Variants in KLF12 observed in about 807,000 individuals in gnomAD.
The protein encoded by KLF12 is Krueppel-like factor 12.
A neutral mutation model predicts 37.8 loss-of-function variants in KLF12; 9 were observed. That is an observed-to-expected ratio of 0.24 (90% CI 0.14 to 0.42). KLF12 has a LOEUF of 0.42. Ranked by LOEUF, KLF12 falls within the 10% of genes least tolerant of loss-of-function variation. The pLI is 1.00. For missense variants in KLF12, 411 were observed against 516.0 expected (o/e 0.80, Z 1.97); for synonymous variants, 208 against 202.1 (o/e 1.03, Z -0.25).
In KLF12 at chr13:73,689,669, G is replaced by A. The variant is rs989696116; in HGVS notation, c.*5821C>T. The A allele has an allele frequency of 5.9e-5, 9 of 152,084 alleles. No individual in the cohort carries two copies. Among genetic ancestry groups the A allele is most frequent in the Admixed American group, 5.2e-4 (8 of 15,260 alleles). The allele number at this position is 152,084 out of a possible 1,614,324, so 9.4% of individuals were successfully genotyped here. ...AGTGGTACTTCAACAGACTTTTTGGGGAGAAATGATTCTGTCAATATTCAT... is the reference window on the plus strand; with the variant it reads ...AGTGGTACTTCAACAGACTTTTTGGAGAGAAATGATTCTGTCAATATTCAT... On this transcript the variant is annotated 3_prime_UTR_variant, in exon 8 of 8. Coordinates refer to ENST00000377669, the MANE Select transcript of KLF12 (RefSeq NM_007249.5).
intron 1 of KLF12, among the ~76,000 whole-genome samples, chr13:74,006,692 G>A (rs1458161013): frequency 6.6e-6 from 1 of 152,134 alleles, no homozygotes; most frequent in Non-Finnish European, 1.5e-5. Context: ...TCAGTCAGAA[G>A]TCATCAGCAA....
intron 2 of KLF12, among the ~76,000 whole-genome samples, chr13:73,946,946 A>G (rs1437552531): frequency 6.6e-6 from 1 of 152,226 alleles, no homozygotes; most frequent in African/African-American, 2.4e-5. Context: ...TTGAAGCAAA[A>G]TATTGATAGA....
chr13:74,169,072 C>T, the KLF12 span, among the ~76,000 whole-genome samples: 1 of 151,984 alleles, frequency 6.6e-6, no homozygotes, highest in African/African-American at 2.4e-5. Flanking sequence ...AGTTTATTCT[C>T]AGGAAATGGG....
the KLF12 span, among the ~76,000 whole-genome samples, chr13:74,168,840 C>T: frequency 6.6e-6 from 1 of 152,150 alleles, no homozygotes; most frequent in African/African-American, 2.4e-5. Flanking sequence ...TAATCGGATG[C>T]CTTTGGGAAG....
chr13:74,258,913 A>C, the KLF12 span: 1 of 152,230 alleles, frequency 6.6e-6, no homozygotes, highest in African/African-American at 2.4e-5. Flanking sequence ...GAAGAAAGCT[A>C]ATAGAAGGTC....
chr13:73,854,031 T>C (rs959927514), intron 3 of KLF12, among the ~76,000 whole-genome samples: 52 of 152,188 alleles, frequency 3.4e-4, no homozygotes, highest in African/African-American at 1.2e-3. Flanking sequence ...GCAATTGTTT[T>C]TAAACAACAT....
intron 1 of KLF12, among the ~76,000 whole-genome samples, chr13:74,087,269 C>T (rs1449950640): frequency 1.3e-5 from 2 of 152,110 alleles, no homozygotes; most frequent in Non-Finnish European, 2.9e-5. Flanking sequence ...AGTATGTGAC[C>T]GAACGTCGAC....
chr13:74,185,392 G>C, the KLF12 span, among the ~76,000 whole-genome samples: 2 of 152,196 alleles, frequency 1.3e-5, no homozygotes, highest in South Asian at 4.1e-4. Flanking sequence ...ACGGTAACTC[G>C]TTCATCAACA....
the KLF12 span, among the ~76,000 whole-genome samples, chr13:74,140,597 T>C: frequency 6.6e-6 from 1 of 152,200 alleles, no homozygotes; most frequent in East Asian, 1.9e-4. Flanking sequence ...ACATCTTAAA[T>C]TGGTAAACAA....
chr13:74,019,519 A>G (rs1170113068), intron 1 of KLF12, among the ~76,000 whole-genome samples: 1 of 152,220 alleles, frequency 6.6e-6, no homozygotes, highest in Non-Finnish European at 1.5e-5. Context: ...AAGCTTACTC[A>G]TAATAGGTCT....
chr13:74,055,779 T>C (rs998721002), intron 1 of KLF12, among the ~76,000 whole-genome samples: 6 of 152,222 alleles, frequency 3.9e-5, no homozygotes, highest in Non-Finnish European at 5.9e-5. Flanking sequence ...TGAGTTGTTC[T>C]AGCAGCAGGT....
intron 4 of KLF12, among the ~76,000 whole-genome samples, chr13:73,826,225 G>A (rs976605210): frequency 6.6e-5 from 10 of 151,518 alleles, no homozygotes; most frequent in African/African-American, 1.2e-4. Flanking sequence ...TGCCCGCCTC[G>A]GCCTCCCAAA....
the KLF12 span, among the ~76,000 whole-genome samples, chr13:74,295,856 C>G: frequency 6.6e-6 from 1 of 152,086 alleles, no homozygotes; most frequent in Non-Finnish European, 1.5e-5. Context: ...CTATGTCGCC[C>G]AGGCTGGAGT....
intron 6 of KLF12, among the ~76,000 whole-genome samples, chr13:73,756,277 C>T (rs1441193284): frequency 2.0e-5 from 3 of 152,164 alleles, no homozygotes; most frequent in Non-Finnish European, 4.4e-5. Flanking sequence ...GGCAGTTCCT[C>T]TGTTTTCTGC....
At chr13:74,250,732 C>G in the KLF12 span, among the ~76,000 whole-genome samples, 4 of 151,788 alleles carry the variant, frequency 2.6e-5, no homozygotes, top group Non-Finnish European at 4.4e-5. Flanking sequence ...AGGAAGATAC[C>G]TAAGGAAAAA....
chr13:74,008,209 G>C (rs1416060503), intron 1 of KLF12, among the ~76,000 whole-genome samples: 1 of 152,024 alleles, frequency 6.6e-6, no homozygotes, highest in Non-Finnish European at 1.5e-5. Context: ...GATAAATTTT[G>C]ATCAGACCAA....
At chr13:74,254,414 T>C in the KLF12 span, among the ~76,000 whole-genome samples, 1 of 152,254 alleles carries the variant, frequency 6.6e-6, no homozygotes, top group African/African-American at 2.4e-5. Context: ...TGTGCAGTTA[T>C]GGTCTGTGAT....
At chr13:74,275,435 G>T in the KLF12 span, among the ~76,000 whole-genome samples, 2 of 152,104 alleles carry the variant, frequency 1.3e-5, no homozygotes, top group South Asian at 2.1e-4. Flanking sequence ...ACTACATGTT[G>T]AATAATCAAA....
At chr13:73,877,087 T>G (rs977010262) in intron 3 of KLF12, among the ~76,000 whole-genome samples, 1 of 152,200 alleles carries the variant, frequency 6.6e-6, no homozygotes, top group African/African-American at 2.4e-5. Flanking sequence ...TCCCATTCAA[T>G]TTCTTTGGGA....
Sources: allele counts gnomAD v4.1 joint callset (sites outside exome capture counted in the v4.1 genomes callset), GRCh38; gene constraint gnomAD v4.1.1; transcripts MANE v1.5; gene names NCBI Gene and HGNC (gene_info 2026-07-23, HGNC 2026-07-21).